The following RSU1 variants were observed in gnomAD, a reference collection of about 807,000 sequenced individuals.
RSU1 encodes the protein rsu-1.
In RSU1, 26 loss-of-function variants were observed where a neutral mutation model predicts 31.1. The ratio of observed to expected loss-of-function variants is 0.84; its 90% CI spans 0.61 to 1.16. RSU1 has a LOEUF of 1.16. Ranked by LOEUF, RSU1 falls within the 50% of genes most tolerant of loss-of-function variation. The probability of loss-of-function intolerance (pLI) is 0.00; values close to 1 mark genes in which losing one functional copy is unlikely to be tolerated. For missense variants in RSU1, 320 were observed against 339.1 expected (o/e 0.94, Z 0.44); for synonymous variants, 164 against 136.3 (o/e 1.20, Z -1.41).
chr10:16,595,633 GTA>G (rs1243727388), intron 8 of RSU1, among the ~76,000 whole-genome samples: 1 of 152,110 alleles, frequency 6.6e-6, no homozygotes, highest in Non-Finnish European at 1.5e-5. Flanking sequence ...TTTTGCTTGT[GTA>G]ATGGAGACAG....
intron 8 of RSU1, 26 bp from the exon 9 acceptor site, chr10:16,593,522 T>C (rs1374334326): frequency 6.4e-7 from 1 of 1,569,940 alleles, no homozygotes; most frequent in Non-Finnish European, 8.8e-7. Context: ...AAGGACACTA[T>C]CAGATCTATT....
intron 7 of RSU1, among the ~76,000 whole-genome samples, chr10:16,698,917 C>T (rs1835733700): frequency 1.3e-5 from 2 of 152,218 alleles, no homozygotes; most frequent in Admixed American, 6.5e-5. Context: ...CCCTCATTTA[C>T]TTACTTCAGT....
intron 8 of RSU1, among the ~76,000 whole-genome samples, chr10:16,601,503 T>C (rs1281399306): frequency 6.6e-6 from 1 of 152,210 alleles, no homozygotes; most frequent in East Asian, 1.9e-4. Flanking sequence ...CCACTCCTTT[T>C]TTCTTCTTTA....
At chr10:16,613,493 C>T (rs1039781368) in intron 8 of RSU1, among the ~76,000 whole-genome samples, 1 of 152,142 alleles carries the variant, frequency 6.6e-6, no homozygotes, top group African/African-American at 2.4e-5. Flanking sequence ...CCCATCTGAG[C>T]CTGGGCATCT....
chr10:16,767,566 A>G (rs80229461), intron 3 of RSU1: 1 of 152,212 alleles, frequency 6.6e-6, no homozygotes, highest in African/African-American at 2.4e-5. Context: ...GGAAAAAAAA[A>G]TAATACACAG....
In RSU1 at chr10:16,750,768, G is replaced by A. The variant is rs180774177; in HGVS notation, c.598+1771C>T. Among the ~76,000 whole-genome samples, 108 of 152,206 alleles carry A rather than the reference G, an allele frequency of 7.1e-4. 1 individual carries two copies. The highest frequency in any genetic ancestry group is 1.1e-3 in the Non-Finnish European group (78 of 68,032). ...CACACATGGAGATTCTGATTTAGTA[G>A]GTTGGGGAGGGAGCAAGTTTTTGAG... On this transcript the variant is annotated intron_variant, in intron 7 of 8. Transcript: ENST00000345264.
chr10:16,677,888 T>C (rs1206757377), intron 8 of RSU1, among the ~76,000 whole-genome samples: 2 of 152,252 alleles, frequency 1.3e-5, no homozygotes, highest in East Asian at 1.9e-4. Flanking sequence ...GCAGTTTCTA[T>C]TGGGAATGCA....
rs200591801 is a variant in RSU1, at chr10:16,776,805, AT to A, written c.160+5228del. ...ATCCTCAACACACATGGGTCACAAA[AT>A]TTAAAAAAAAAAAAAAAAACTACTG... On this transcript the variant is annotated intron_variant, in intron 3 of 8. Transcript: ENST00000345264. 2.5e-3 allele frequency among the ~76,000 whole-genome samples: 364 copies of A among 144,390 alleles called. 1 individual carries two copies. The highest frequency in any genetic ancestry group is 0.016 in the East Asian group (83 of 5,058). 94.7% of individuals were successfully genotyped at this position (144,390 alleles called of 152,430 possible).
intron 3 of RSU1, among the ~76,000 whole-genome samples, chr10:16,774,099 T>TA (rs55846639): frequency 0.011 from 1,594 of 144,310 alleles, 12 homozygotes; most frequent in African/African-American, 0.025. Flanking sequence ...GGTATTCCGT[T>TA]AAAAAAAAAA....
intron 3 of RSU1, among the ~76,000 whole-genome samples, chr10:16,769,606 G>A (rs903395673): frequency 1.3e-5 from 2 of 152,194 alleles, no homozygotes; most frequent in Admixed American, 6.5e-5. Context: ...GCAGGTTTAG[G>A]GTAAAGCCTG....
At chr10:16,634,893 A>T (rs1250738110) in intron 8 of RSU1, among the ~76,000 whole-genome samples, 1 of 152,184 alleles carries the variant, frequency 6.6e-6, no homozygotes, top group Non-Finnish European at 1.5e-5. Flanking sequence ...TAACTTGTAA[A>T]TTTCTACTTT....
At chr10:16,699,681 G>A (rs1487615640) in intron 7 of RSU1, among the ~76,000 whole-genome samples, 1 of 152,148 alleles carries the variant, frequency 6.6e-6, no homozygotes, top group Non-Finnish European at 1.5e-5. Flanking sequence ...TGACAAAGAG[G>A]ATCTAATAAG....
rs779836393 is a variant in RSU1, at chr10:16,764,366, CCTTTCCGCTCCACT to C, written c.281+10_281+23del. On this transcript the variant is annotated intron_variant, in intron 4 of 8. Coordinates refer to ENST00000345264, the MANE Select transcript of RSU1 (RefSeq NM_012425.4). The stretch of plus-strand genomic sequence containing the variant: ...CCCCTTCCACTCTCTTCCTCTCCAT[CCTTTCCGCTCCACT>C]GATACTCACCCAAGGTTCAGGTGTT... 6.2e-7 allele frequency: 1 copy of C among 1,601,404 alleles called. No individual in the cohort carries two copies. The highest frequency in any genetic ancestry group is 1.3e-5 in the African/African-American group (1 of 74,594).
At position 16,731,416 on chromosome 10, in the gene RSU1, C is replaced by T. The variant is rs185340250; in HGVS notation, c.598+21123G>A. Among the ~76,000 whole-genome samples, 23 of 142,466 alleles carry T rather than the reference C, an allele frequency of 1.6e-4. No individual in the cohort carries two copies. The South Asian group carries it at 1.7e-3, about 11-fold the overall frequency. The allele number at this position is 142,466 out of a possible 152,430, so 93.5% of individuals were successfully genotyped here. Reference sequence around the variant, plus strand: ...CTGCACTCGAGCCTGGGCGAAAGAGCGACACTCCGTCTCAAAAAAAAAAAA... The same window carrying T: ...CTGCACTCGAGCCTGGGCGAAAGAGTGACACTCCGTCTCAAAAAAAAAAAA... On this transcript the variant is annotated intron_variant, in intron 7 of 8. Coordinates refer to ENST00000345264, the MANE Select transcript of RSU1 (RefSeq NM_012425.4).
chr10:16,788,356 C>G (rs1194010798), intron 2 of RSU1, among the ~76,000 whole-genome samples: 1 of 152,130 alleles, frequency 6.6e-6, no homozygotes. Context: ...CCCGAATCCC[C>G]AGTGTATGGT....
At chr10:16,780,665 G>T (rs545532633) in intron 3 of RSU1, among the ~76,000 whole-genome samples, 6 of 152,206 alleles carry the variant, frequency 3.9e-5, no homozygotes, top group African/African-American at 1.4e-4. Context: ...GAACATGTCA[G>T]TTATTACTGC....
intron 7 of RSU1, chr10:16,748,221 G>A (rs187088692): frequency 3.3e-5 from 5 of 152,302 alleles, no homozygotes; most frequent in African/African-American, 9.6e-5. Flanking sequence ...CTAAAATTGA[G>A]GTGCCAATAA....
intron 2 of RSU1, among the ~76,000 whole-genome samples, chr10:16,794,864 C>T (rs562629693): frequency 6.6e-5 from 10 of 152,246 alleles, no homozygotes; most frequent in South Asian, 4.1e-4. Flanking sequence ...AAGCAAAGAA[C>T]GCACAGTTCC....
At chr10:16,730,422 G>A (rs570364917) in intron 7 of RSU1, among the ~76,000 whole-genome samples, 208 of 152,272 alleles carry the variant, frequency 1.4e-3, no homozygotes, top group Non-Finnish European at 1.7e-3. Flanking sequence ...ATCAGAAGGC[G>A]TGAGAAGCCA....
Sources: allele counts gnomAD v4.1 joint callset (sites outside exome capture counted in the v4.1 genomes callset), GRCh38; gene constraint gnomAD v4.1.1; transcripts MANE v1.5; gene names NCBI Gene and HGNC (gene_info 2026-07-23, HGNC 2026-07-21).